The following IQGAP2 variants were observed in gnomAD, a reference collection of about 807,000 sequenced individuals.
IQGAP2 encodes ras GTPase-activating-like protein IQGAP2.
In IQGAP2, 173 loss-of-function variants were observed where a neutral mutation model predicts 201.3. The observed-to-expected ratio is 0.86, with a 90% confidence interval of 0.76 to 0.98. The LOEUF (loss-of-function observed/expected upper bound fraction) is 0.98, where lower values mean the gene tolerates loss of function less well. Among genes scored for constraint, IQGAP2 ranks in the 50% least tolerant of loss-of-function variants. The pLI, the probability that IQGAP2 is intolerant of heterozygous loss-of-function variation, is 0.00. For synonymous variants in IQGAP2, 675 were observed against 673.9 expected (o/e 1.00, Z -0.03); for missense variants, 1,687 against 1,864.8 (o/e 0.90, Z 1.76).
intron 2 of IQGAP2, among the ~76,000 whole-genome samples, chr5:76,494,259 G>A (rs1445014477): frequency 2.6e-5 from 4 of 152,072 alleles, no homozygotes; most frequent in Non-Finnish European, 4.4e-5. Context: ...TATAAAATGG[G>A]CACAATAATT....
intron 1 of IQGAP2, among the ~76,000 whole-genome samples, chr5:76,429,970 A>T (rs1752274859): frequency 6.6e-6 from 1 of 151,952 alleles, no homozygotes; most frequent in African/African-American, 2.4e-5. Flanking sequence ...GAGAGTAGAT[A>T]TCTGTAGCCT....
intron 13 of IQGAP2, chr5:76,617,906 T>C (rs1313676706): frequency 4.3e-6 from 7 of 1,614,056 alleles, no homozygotes; most frequent in Admixed American, 3.3e-5. Flanking sequence ...ATCCAAAGAA[T>C]GCCAAGGAGA....
intron 2 of IQGAP2, among the ~76,000 whole-genome samples, chr5:76,490,987 C>CTTTTTTTTTT (rs767214200): frequency 8.8e-6 from 1 of 113,022 alleles, no homozygotes; most frequent in African/African-American, 3.2e-5. Context: ...AGATTTTCAT[C>CTTTTTTTTTT]TTTTTTTTTT....
intron 8 of IQGAP2, among the ~76,000 whole-genome samples, chr5:76,591,074 G>T (rs1746616274): frequency 6.6e-6 from 1 of 152,154 alleles, no homozygotes; most frequent in Non-Finnish European, 1.5e-5. Flanking sequence ...TCCAGCCTGG[G>T]CAACAGACTG....
chr5:76,501,955 T>C (rs1252056686), intron 2 of IQGAP2, among the ~76,000 whole-genome samples: 1 of 152,162 alleles, frequency 6.6e-6, no homozygotes, highest in African/African-American at 2.4e-5. Flanking sequence ...TGCTGCATTT[T>C]CTACAGTTGT....
At chr5:76,415,405 T>G (rs4704310) in intron 1 of IQGAP2, among the ~76,000 whole-genome samples, 56,123 of 152,156 alleles carry the variant, frequency 0.37, 15,294 homozygotes, top group African/African-American at 0.75. Context: ...TTTTTATAGT[T>G]AGACTGTAAC....
In IQGAP2 at chr5:76,562,453, G is replaced by T; in HGVS notation, c.204G>T (p.Gly68=). The change falls in exon 3 of 36, where the codon GGG becomes GGT. Residue 68 remains glycine, a synonymous_variant. Coordinates refer to ENST00000274364, the MANE Select transcript of IQGAP2 (RefSeq NM_006633.5). ...ELPPTTELEE[G]LRNGVYLAKL... ...CACCAACCACTGAATTGGAAGAAGGGCTCCGGAATGGAGTTTACCTTGCAA... is the reference window on the plus strand; with the variant it reads ...CACCAACCACTGAATTGGAAGAAGGTCTCCGGAATGGAGTTTACCTTGCAA... 4 of 1,613,858 alleles carry T rather than the reference G, an allele frequency of 2.5e-6. No homozygotes were observed. Among genetic ancestry groups the T allele is most frequent in the Non-Finnish European group, 3.4e-6 (4 of 1,179,794 alleles).
chr5:76,463,662 A>G (rs2150128130), intron 2 of IQGAP2, among the ~76,000 whole-genome samples: 1 of 152,312 alleles, frequency 6.6e-6, no homozygotes, highest in African/African-American at 2.4e-5. Context: ...TCAGAAAGTC[A>G]GCATAATGAT....
chr5:76,702,092 A>G (rs576165271), intron 34 of IQGAP2, among the ~76,000 whole-genome samples: 2 of 152,252 alleles, frequency 1.3e-5, no homozygotes, highest in Non-Finnish European at 2.9e-5. Context: ...TACAGGCGTG[A>G]GCGACTGCGC....
intron 30 of IQGAP2, chr5:76,691,563 C>A (rs1411161368): frequency 6.6e-6 from 1 of 152,148 alleles, no homozygotes; most frequent in African/African-American, 2.4e-5. Context: ...GCCACAGCCG[C>A]TTTAGGAAAC....
intron 9 of IQGAP2, among the ~76,000 whole-genome samples, chr5:76,595,768 A>AAGAGAGAGAGAGAG (rs142088212): frequency 9.7e-5 from 14 of 144,188 alleles, no homozygotes; most frequent in African/African-American, 3.6e-4. Flanking sequence ...CAAAAAAAGA[A>AAGAGAGAGAGAGAG]AGAGAGAGAG....
At chr5:76,519,923 T>C (rs1382499178) in intron 2 of IQGAP2, among the ~76,000 whole-genome samples, 1 of 152,256 alleles carries the variant, frequency 6.6e-6, no homozygotes, top group Non-Finnish European at 1.5e-5. Context: ...TCTTCGTATA[T>C]TTGGATTCAA....
At chr5:76,492,162 C>A (rs371391788) in intron 2 of IQGAP2, among the ~76,000 whole-genome samples, 1 of 152,162 alleles carries the variant, frequency 6.6e-6, no homozygotes, top group African/African-American at 2.4e-5. Flanking sequence ...ATGCATTTGG[C>A]CCCAGTAGTT....
chr5:76,589,605 T>G lies in IQGAP2; in HGVS notation c.527-10T>G. 1 of 1,460,364 alleles carries G rather than the reference T, an allele frequency of 6.8e-7. No homozygotes were observed. The highest frequency in any genetic ancestry group is 9.5e-7 in the Non-Finnish European group (1 of 1,053,520). The allele number at this position is 1,460,364 out of a possible 1,614,324, so 90.5% of individuals were successfully genotyped here. A position where few individuals can be genotyped will look rare whatever the true frequency, so the allele number is the denominator to read the frequency against. ...CTGATAATGATTATGATTATTTTGT[T>G]CTTTGTTAGAGGAGGAAATCAGTAA... is the stretch of plus-strand genomic sequence containing the variant. On this transcript the variant is annotated splice_polypyrimidine_tract_variant and intron_variant, in intron 6 of 35. Coordinates refer to ENST00000274364, the MANE Select transcript of IQGAP2 (RefSeq NM_006633.5).
At chr5:76,407,154 A>AT (rs917359227) in intron 1 of IQGAP2, among the ~76,000 whole-genome samples, 5 of 151,690 alleles carry the variant, frequency 3.3e-5, no homozygotes, top group Admixed American at 3.3e-4. Flanking sequence ...TAATTTTTGT[A>AT]TTTTTTTGTA....
intron 2 of IQGAP2, among the ~76,000 whole-genome samples, chr5:76,487,388 C>T (rs533285724): frequency 8.5e-5 from 13 of 152,084 alleles, no homozygotes; most frequent in Non-Finnish European, 2.9e-5. Context: ...TGAGCCACCG[C>T]GTCTATTGGT....
In IQGAP2 at chr5:76,504,711, A is replaced by G. The variant is rs59301452; in HGVS notation, c.146+43042A>G. On this transcript the variant is annotated intron_variant, in intron 2 of 35. Transcript: ENST00000274364. ...AGCCTTCCCCCGACAACAAAATAAC[A>G]TATTTGGTCTCTTTCACGTCCTTAT... Among the ~76,000 whole-genome samples, 1,089 of 152,274 alleles carry G rather than the reference A, an allele frequency of 7.2e-3. 10 individuals are homozygous for G. Among genetic ancestry groups the G allele is most frequent in the African/African-American group, 0.023 (943 of 41,552 alleles).
intron 14 of IQGAP2, among the ~76,000 whole-genome samples, chr5:76,630,020 T>C (rs1750568170): frequency 6.6e-6 from 1 of 152,222 alleles, no homozygotes; most frequent in African/African-American, 2.4e-5. Context: ...ACCCCTCAGA[T>C]AGACACTTTG....
At chr5:76,578,353 A>C (rs925298986) in intron 5 of IQGAP2, among the ~76,000 whole-genome samples, 3 of 151,670 alleles carry the variant, frequency 2.0e-5, no homozygotes, top group Non-Finnish European at 2.9e-5. Context: ...TCACTCTGTC[A>C]CCAGGCTAGA....
Sources: gnomAD v4.1 joint callset for allele counts (sites outside exome capture counted in the v4.1 genomes callset) on GRCh38, gnomAD v4.1.1 for gene constraint, MANE v1.5 for transcripts, NCBI Gene and HGNC (gene_info 2026-07-23, HGNC 2026-07-21) for gene names.